HMGA2: variants seen among roughly 807,000 people sequenced by gnomAD.
HMGA2 encodes high mobility group AT-hook 2.
HMGA2 carries 8 observed loss-of-function variants against 19.1 expected under a neutral mutation model. The ratio of observed to expected loss-of-function variants is 0.42; its 90% confidence interval spans 0.25 to 0.76. HMGA2 has a LOEUF of 0.76. Among genes scored for constraint, HMGA2 ranks in the 30% least tolerant of loss-of-function variants. The pLI, the probability that HMGA2 is intolerant of heterozygous loss-of-function variation, is 0.28. For missense variants in HMGA2, 109 were observed against 136.3 expected (o/e 0.80, Z 1.00); for synonymous variants, 60 against 48.8 (o/e 1.23, Z -0.96).
At chr12:65,850,510 C>A (rs1222252153) in intron 3 of HMGA2, among the ~76,000 whole-genome samples, 2 of 151,256 alleles carry the variant, frequency 1.3e-5, no homozygotes, top group African/African-American at 2.4e-5. Context: ...TATGAAGAGA[C>A]CGAATTTTTT....
intron 3 of HMGA2, chr12:65,858,458 C>T (rs1871862348): frequency 6.6e-6 from 1 of 151,880 alleles, no homozygotes; most frequent in Non-Finnish European, 1.5e-5. Context: ...TATGTATGAT[C>T]TAAAGGGAAA....
At chr12:65,951,036 C>T (rs190132686) in intron 3 of HMGA2, among the ~76,000 whole-genome samples, 6 of 152,180 alleles carry the variant, frequency 3.9e-5, no homozygotes, top group African/African-American at 7.2e-5. Flanking sequence ...CCCAGGTGAT[C>T]CTTCCATTTA....
intron 2 of HMGA2, among the ~76,000 whole-genome samples, chr12:65,831,282 T>A (rs903137462): frequency 5.3e-5 from 8 of 151,748 alleles, no homozygotes; most frequent in African/African-American, 1.9e-4. Flanking sequence ...TAGTTTAGGG[T>A]TTTGTTGTAC....
intron 3 of HMGA2, chr12:65,881,874 G>C: frequency 1.4e-6 from 1 of 702,840 alleles, no homozygotes. Flanking sequence ...ACTCAGAGGT[G>C]GCCCGAGAGA....
chr12:65,931,721 G>T (rs1195304245), intron 3 of HMGA2, among the ~76,000 whole-genome samples: 1 of 152,048 alleles, frequency 6.6e-6, no homozygotes. Flanking sequence ...TAGTGGATGG[G>T]CGCCAGAACG....
At chr12:65,916,959 C>T (rs1419970022) in intron 3 of HMGA2, among the ~76,000 whole-genome samples, 5 of 152,202 alleles carry the variant, frequency 3.3e-5, no homozygotes, top group African/African-American at 9.6e-5. Context: ...GGTTTTGACA[C>T]GTTTGTTTTA....
In HMGA2 at chr12:65,963,792, G is replaced by C. The variant is rs919007284; in HGVS notation, c.*500G>C. On this transcript the variant is annotated 3_prime_UTR_variant, in exon 5 of 5. Transcript: ENST00000403681. The stretch of plus-strand genomic sequence containing the variant: ...ACCCACTCCCTGTAGTGAATCCTCT[G>C]TTTAGAACACCAAAGATAAGGACTA... 8.5e-6 allele frequency: 2 copies of C among 236,058 alleles called. No homozygotes were observed. Among genetic ancestry groups the C allele is most frequent in the Non-Finnish European group, 1.7e-5 (2 of 120,890 alleles). 14.6% of individuals were successfully genotyped at this position (236,058 alleles called of 1,614,324 possible). A position where few individuals can be genotyped will look rare whatever the true frequency, so the allele number is the denominator to read the frequency against.
intron 3 of HMGA2, among the ~76,000 whole-genome samples, chr12:65,943,570 T>C (rs1876162847): frequency 6.6e-6 from 1 of 152,198 alleles, no homozygotes. Flanking sequence ...ATGCTTACTT[T>C]TGTCTTTTGC....
In HMGA2 at chr12:65,886,365, T is replaced by C. The variant is rs77427325; in HGVS notation, c.249+47796T>C. Among the ~76,000 whole-genome samples, 700 of 133,340 alleles carry C rather than the reference T, an allele frequency of 5.2e-3. 10 individuals carry two copies. The highest frequency in any genetic ancestry group is 0.018 in the African/African-American group (659 of 35,952). 87.5% of individuals were successfully genotyped at this position (133,340 alleles called of 152,430 possible). The stretch of plus-strand genomic sequence containing the variant: ...GGGGAGCTTCTTTCTTTTTCTCTCT[T>C]TTTTTTTTTTTTGAGACCGAGTCTC... On this transcript the variant is annotated intron_variant, in intron 3 of 4. Coordinates refer to ENST00000403681, the MANE Select transcript of HMGA2 (RefSeq NM_003483.6).
chr12:65,952,191 G>C (rs1300477170), intron 4 of HMGA2: 6 of 572,716 alleles, frequency 1.0e-5, no homozygotes, highest in African/African-American at 9.3e-5. Context: ...TATGTAAATA[G>C]TCATTGGAGA....
chr12:65,933,805 A>G (rs1875800203), intron 3 of HMGA2, among the ~76,000 whole-genome samples: 1 of 152,186 alleles, frequency 6.6e-6, no homozygotes, highest in Admixed American at 6.5e-5. Context: ...ATGATTATTA[A>G]CCATTTGTAA....
At chr12:65,899,043 CAAAAAAAAAAAAAAAA>C (rs751128412) in intron 3 of HMGA2, among the ~76,000 whole-genome samples, 1 of 25,328 alleles carries the variant, frequency 3.9e-5, no homozygotes, top group African/African-American at 9.0e-5. Context: ...GACTCCGTCT[CAAAAAAAAAAAAAAAA>C]AAAAAAAAAA....
At chr12:65,828,170 C>T (rs1017952694) in intron 2 of HMGA2, 83 bp downstream of exon 2, 6 of 999,886 alleles carry the variant, frequency 6.0e-6, no homozygotes, top group African/African-American at 1.6e-5. Context: ...ATTCTAACTC[C>T]GCAGCCAGGA....
Position 65,825,947 on chromosome 12 carries a change from C to G in HMGA2, c.111+566C>G, listed in dbSNP as rs1870155047. 1 of 151,594 alleles carries G rather than the reference C, an allele frequency of 6.6e-6. No homozygotes were observed. Among genetic ancestry groups the G allele is most frequent in the Non-Finnish European group, 1.5e-5 (1 of 67,868 alleles). The allele number at this position is 151,594 out of a possible 1,614,324, so 9.4% of individuals were successfully genotyped here. ...CTCGGTGGCCCAAGACTCGCGCCCTCCCGACAAAGAACGCATGGAGACCCG... is the reference window on the plus strand; with the variant it reads ...CTCGGTGGCCCAAGACTCGCGCCCTGCCGACAAAGAACGCATGGAGACCCG... On this transcript the variant is annotated intron_variant, in intron 1 of 4. Transcript: ENST00000403681. This position sits in a 1 kb window ranked among gnomAD's most constrained non-coding sequence, Gnocchi z 4.4.
chr12:65,868,665 C>A (rs1047225872), intron 3 of HMGA2, among the ~76,000 whole-genome samples: 1 of 152,120 alleles, frequency 6.6e-6, no homozygotes, highest in Non-Finnish European at 1.5e-5. Context: ...TTCAGTGCAT[C>A]TTAAAGGATG....
At chr12:65,952,202 T>G in intron 4 of HMGA2, 1 of 583,632 alleles carries the variant, frequency 1.7e-6, no homozygotes, top group Non-Finnish European at 3.0e-6. Context: ...TCATTGGAGA[T>G]CCAGGTGGTA....
chr12:65,856,783 T>C (rs1028140177), intron 3 of HMGA2: 2 of 152,476 alleles, frequency 1.3e-5, no homozygotes, highest in East Asian at 3.9e-4. Context: ...GGCTTTTAGA[T>C]GCATTGCTCC....
chr12:65,901,383 TG>T (rs1874366004), intron 3 of HMGA2, among the ~76,000 whole-genome samples: 2 of 152,376 alleles, frequency 1.3e-5, no homozygotes, highest in South Asian at 4.1e-4. Flanking sequence ...TGTTTCACTT[TG>T]GTTTTACTTA....
intron 3 of HMGA2, among the ~76,000 whole-genome samples, chr12:65,865,268 A>C (rs961558495): frequency 1.3e-5 from 2 of 152,148 alleles, no homozygotes; most frequent in African/African-American, 4.8e-5. Flanking sequence ...TGGAGTCAAA[A>C]GTTTTGCGTG....
Sources: allele counts gnomAD v4.1 joint callset (sites outside exome capture counted in the v4.1 genomes callset), GRCh38; gene constraint gnomAD v4.1.1; non-coding constraint Gnocchi (gnomAD v3.1); transcripts MANE v1.5; gene names NCBI Gene and HGNC (gene_info 2026-07-23, HGNC 2026-07-21).